The following ADAMTS2 variants were observed in gnomAD, a reference collection of about 807,000 sequenced individuals.
The protein encoded by ADAMTS2 is A disintegrin and metalloproteinase with thrombospondin motifs 2.
Under a neutral mutation model 123.0 loss-of-function variants are expected in ADAMTS2, and 50 were observed. The ratio of observed to expected loss-of-function variants is 0.41; its 90% CI spans 0.32 to 0.51. The LOEUF (loss-of-function observed/expected upper bound fraction) is 0.51. ADAMTS2 is among the 20% of genes least tolerant of loss of function. ADAMTS2 has a pLI of 0.35. For synonymous variants in ADAMTS2, 678 were observed against 695.4 expected, an observed-to-expected ratio of 0.98 and a Z score of 0.39; for missense variants, 1,494 against 1,705.2, an observed-to-expected ratio of 0.88 and a Z score of 2.18.
rs1047774030 is a variant in ADAMTS2, at chr5:179,304,300, A to G, written c.535-31236T>C. Among the ~76,000 whole-genome samples, 7 of 152,236 alleles carry G rather than the reference A, an allele frequency of 4.6e-5. No individual in the cohort carries two copies. The East Asian group carries it at 5.8e-4, about 13-fold the overall frequency. Reference sequence around the variant, plus strand: ...TATCAAAGTGTCCAGGATACAGTCCAAAATTACTTGGCATACCAAGAACCA... The same window carrying G: ...TATCAAAGTGTCCAGGATACAGTCCGAAATTACTTGGCATACCAAGAACCA... On this transcript the variant is annotated intron_variant, in intron 2 of 21. Transcript: ENST00000251582.
chr5:179,154,917 A>G lies in ADAMTS2; in HGVS notation c.1135T>C (p.Tyr379His), dbSNP rs1377787072. The part of the protein sequence containing the change: ...QDFGPSGMQG[Y>H]APVTGMCHPV... ...TGGCACATGCCGGTGACAGGAGCAT[A>G]GCCTGGGAGGAGACAAGAGGCGGCT... The change falls in exon 7 of 22, where the codon TAT becomes CAT. Residue 379 changes from tyrosine to histidine, a missense_variant and splice_region_variant. Around this residue, in one of 6 missense-constraint regions of ADAMTS2, gnomAD observed 47 missense variants for 92.7 expected, o/e 0.51. Transcript: ENST00000251582. 6.2e-7 allele frequency: 1 copy of G among 1,612,928 alleles called. No individual in the cohort carries two copies. Among genetic ancestry groups the G allele is most frequent in the East Asian group, 2.2e-5 (1 of 44,874 alleles).
rs371382827 is a variant in ADAMTS2 at position 179,178,414 on chromosome 5, C to G, written c.975+2658G>C. Among the ~76,000 whole-genome samples the G allele has an allele frequency of 3.9e-4, 60 of 152,400 alleles. No individual in the cohort carries two copies. In the South Asian group the frequency reaches 0.012, roughly 29 times the overall value. ...AGCCTCTCTCTGCCCTCCTAGCCAGCATTCACTGGCAGAGGATGCCCTGCA... is the reference window on the plus strand; with the variant it reads ...AGCCTCTCTCTGCCCTCCTAGCCAGGATTCACTGGCAGAGGATGCCCTGCA... On this transcript the variant is annotated intron_variant, in intron 5 of 21. Coordinates refer to ENST00000251582, the MANE Select transcript of ADAMTS2 (RefSeq NM_014244.5).
intron 3 of ADAMTS2, among the ~76,000 whole-genome samples, chr5:179,214,466 A>G (rs1378472731): frequency 6.6e-6 from 1 of 152,260 alleles, no homozygotes; most frequent in African/African-American, 2.4e-5. Context: ...AAGAGCAGTC[A>G]AAGAAATGCT....
intron 3 of ADAMTS2, among the ~76,000 whole-genome samples, chr5:179,263,005 GAGC>G (rs973428438): frequency 6.3e-5 from 9 of 142,960 alleles, no homozygotes; most frequent in Admixed American, 6.3e-4. Flanking sequence ...ATGATTTGGG[GAGC>G]AGTATTATTC....
At chr5:179,174,588 C>T (rs1763892835) in intron 5 of ADAMTS2, among the ~76,000 whole-genome samples, 1 of 152,176 alleles carries the variant, frequency 6.6e-6, no homozygotes, top group Admixed American at 6.5e-5. Flanking sequence ...TTATTTATAA[C>T]ACAATAAGCA....
rs1561787995 is a variant in ADAMTS2, at chr5:179,170,103, T to C, written c.975+10969A>G. Among the ~76,000 whole-genome samples, 1 of 152,216 alleles carries C rather than the reference T, an allele frequency of 6.6e-6. No homozygotes were observed. Among genetic ancestry groups the C allele is most frequent in the Non-Finnish European group, 1.5e-5 (1 of 68,040 alleles). Reference sequence around the variant, plus strand: ...ATATTGTATAAAATAAGATCATCTCTTTTCTTCTGCTTTTTTTTAAGAAAT... The same window carrying C: ...ATATTGTATAAAATAAGATCATCTCCTTTCTTCTGCTTTTTTTTAAGAAAT... On this transcript the variant is annotated intron_variant, in intron 5 of 21. Transcript: ENST00000251582. The surrounding 1 kb of genome is among the most constrained non-coding windows in gnomAD (Gnocchi z 4.3).
At chr5:179,253,224 G>A (rs954331692) in intron 3 of ADAMTS2, among the ~76,000 whole-genome samples, 1 of 152,154 alleles carries the variant, frequency 6.6e-6, no homozygotes, top group African/African-American at 2.4e-5. Context: ...GAATTTGTGA[G>A]TTTAATCCAT....
chr5:179,140,394 C>G lies in ADAMTS2; in HGVS notation c.1630-359G>C, dbSNP rs573655350. ...ATTTATAAAGATACCACTGGCCTAT[C>G]AGGCCAGTGACTGCAAGACATACAA... On this transcript the variant is annotated intron_variant, in intron 10 of 21. Transcript: ENST00000251582. Among the ~76,000 whole-genome samples the G allele has an allele frequency of 1.8e-4, 27 of 152,310 alleles. 2 individuals are homozygous for G. The South Asian group carries it at 5.6e-3, about 32-fold the overall frequency.
intron 4 of ADAMTS2, among the ~76,000 whole-genome samples, chr5:179,187,798 C>A (rs3797606): frequency 0.039 from 5,897 of 152,284 alleles, 107 homozygotes; most frequent in East Asian, 0.049. Flanking sequence ...CATCTCTGTG[C>A]GGAGAGAGGC....
chr5:179,315,569 C>T (rs953514965), intron 2 of ADAMTS2, among the ~76,000 whole-genome samples: 2 of 152,250 alleles, frequency 1.3e-5, no homozygotes, highest in African/African-American at 4.8e-5. Flanking sequence ...CCACAGTCTC[C>T]ACCTCCGGGG....
At chr5:179,121,633 G>A in intron 21 of ADAMTS2, 28 bp downstream of exon 21, 1 of 1,579,058 alleles carries the variant, frequency 6.3e-7, no homozygotes, top group Non-Finnish European at 8.6e-7. Context: ...CTGGAGGGCA[G>A]AGGCAGAGTT....
intron 9 of ADAMTS2, among the ~76,000 whole-genome samples, chr5:179,153,221 G>A (rs761815320): frequency 6.6e-6 from 1 of 152,158 alleles, no homozygotes; most frequent in East Asian, 1.9e-4. Flanking sequence ...CCTGACCTCT[G>A]CAGGCTCTCA....
At chr5:179,273,946 G>A (rs1050903249) in intron 2 of ADAMTS2, among the ~76,000 whole-genome samples, 3 of 151,630 alleles carry the variant, frequency 2.0e-5, no homozygotes, top group Non-Finnish European at 4.4e-5. Context: ...GCACCCTGCC[G>A]AGCCACCCAG....
intron 3 of ADAMTS2, among the ~76,000 whole-genome samples, chr5:179,211,043 T>A (rs1764840073): frequency 6.6e-6 from 1 of 152,232 alleles, no homozygotes; most frequent in South Asian, 2.1e-4. Flanking sequence ...TAGTGATCCC[T>A]TTGAAGTCAA....
chr5:179,253,355 A>G (rs1177980132), intron 3 of ADAMTS2, among the ~76,000 whole-genome samples: 1 of 152,126 alleles, frequency 6.6e-6, no homozygotes, highest in African/African-American at 2.4e-5. Context: ...ATAAAAAAAG[A>G]CATCCCGGCC....
chr5:179,240,884 A>C (rs1765652264), intron 3 of ADAMTS2, among the ~76,000 whole-genome samples: 1 of 152,216 alleles, frequency 6.6e-6, no homozygotes, highest in African/African-American at 2.4e-5. Context: ...TGTCCGGTAA[A>C]GGGAAGAGGA....
intron 2 of ADAMTS2, among the ~76,000 whole-genome samples, chr5:179,295,394 C>T (rs190383552): frequency 2.6e-5 from 4 of 152,324 alleles, no homozygotes; most frequent in Admixed American, 6.5e-5. Context: ...TTATTTCTCC[C>T]GCTGTGGTGG....
chr5:179,258,479 G>A (rs1414466472), intron 3 of ADAMTS2, among the ~76,000 whole-genome samples: 2 of 152,020 alleles, frequency 1.3e-5, no homozygotes, highest in East Asian at 3.9e-4. Flanking sequence ...CCCCAGCCTC[G>A]GCCCCAGCTC....
rs186939273 is a variant in ADAMTS2 at position 179,307,423 on chromosome 5, G to A, written c.535-34359C>T. Among the ~76,000 whole-genome samples the A allele has an allele frequency of 4.9e-4, 74 of 152,188 alleles. No homozygotes were observed. The highest frequency in any genetic ancestry group is 1.2e-3 in the South Asian group (6 of 4,816). ...TCTGCCCATGAGCATTCAACAGCCC[G>A]GTCCGGGGGGCACCACCACGCAGGG... On this transcript the variant is annotated intron_variant, in intron 2 of 21. Coordinates refer to ENST00000251582, the MANE Select transcript of ADAMTS2 (RefSeq NM_014244.5). The surrounding 1 kb of genome is among the most constrained non-coding windows in gnomAD (Gnocchi z 5.6).
Sources: gnomAD v4.1 joint callset for allele counts (sites outside exome capture counted in the v4.1 genomes callset) on GRCh38, gnomAD v4.1.1 for gene constraint, gnomAD v4.1.1 regional missense constraint, Gnocchi (gnomAD v3.1) non-coding constraint, MANE v1.5 for transcripts, NCBI Gene and HGNC (gene_info 2026-07-23, HGNC 2026-07-21) for gene names.